PRKDC: variants seen among roughly 807,000 people sequenced by gnomAD.
PRKDC encodes the protein protein kinase, DNA-activated, catalytic subunit.
In PRKDC, 82 loss-of-function variants were observed where a neutral mutation model predicts 486.9. The ratio of observed to expected loss-of-function variants is 0.17; its 90% CI spans 0.14 to 0.20. PRKDC has a LOEUF of 0.20. PRKDC is among the 10% of genes least tolerant of loss of function. PRKDC has a pLI of 1.00. For missense variants in PRKDC, 4,504 were observed against 5,038.2 expected (o/e 0.89, Z 3.21); for synonymous variants, 1,895 against 1,837.0 (o/e 1.03, Z -0.81).
rs1403204827 is a variant in PRKDC at position 47,897,235 on chromosome 8, T to C, written c.3524A>G (p.His1175Arg). ...LLDLVKWLLA[H>R]CGRPQTECRH... ...ACATTCTGTCTGGGGCCTCCCACAA[T>C]GAGCTAAAAGCCACTTGACCAGATC... The change falls in exon 30 of 86, where the codon CAT (histidine) becomes CGT (arginine). Residue 1175 changes from histidine (H) to arginine (R), a missense_variant. His to Arg is a conservative substitution (Grantham distance 29). This residue lies in a region of PRKDC where 1,969 missense variants were observed against 2,068.9 expected (regional missense o/e 0.95). Coordinates refer to ENST00000314191, the MANE Select transcript of PRKDC (RefSeq NM_006904.7). 5 of 1,609,246 alleles carry C rather than the reference T, an allele frequency of 3.1e-6. No homozygotes were observed. Among genetic ancestry groups the C allele is most frequent in the East Asian group, 2.2e-5 (1 of 44,778 alleles).
intron 74 of PRKDC, among the ~76,000 whole-genome samples, chr8:47,793,154 T>C (rs946295468): frequency 1.3e-5 from 2 of 152,234 alleles, no homozygotes; most frequent in Non-Finnish European, 2.9e-5. Flanking sequence ...AAGTAGTTGG[T>C]ATTATAGGCA....
intron 64 of PRKDC, among the ~76,000 whole-genome samples, chr8:47,823,463 C>T (rs1174702939): frequency 2.0e-5 from 3 of 151,878 alleles, no homozygotes; most frequent in Non-Finnish European, 1.5e-5. Flanking sequence ...AAGCAGAAGG[C>T]AGCACCATAC....
At position 47,788,941 on chromosome 8, in the gene PRKDC, G is replaced by A. The variant is rs1384543244; in HGVS notation, c.10867C>T (p.Pro3623Ser). 3.7e-6 allele frequency: 6 copies of A among 1,610,084 alleles called. No homozygotes were observed. The highest frequency in any genetic ancestry group is 1.1e-5 in the South Asian group (1 of 89,946). Residue 3623 changes from proline to serine, a missense_variant, in exon 76 of 86, where the codon CCA becomes TCA. Pro to Ser is a moderately conservative substitution (Grantham distance 74). Coordinates refer to ENST00000314191, the MANE Select transcript of PRKDC (RefSeq NM_006904.7). ...TTCCTTCTAAAGGCCCCCAGGCCTGGAGCCTTTGGGTCACCCAAGGCTGCA... is the reference window on the plus strand; with the variant it reads ...TTCCTTCTAAAGGCCCCCAGGCCTGAAGCCTTTGGGTCACCCAAGGCTGCA... ...MYAALGDPKA[P>S]GLGAFRRKFI...
intron 12 of PRKDC, 35 bp from the exon 13 acceptor site, chr8:47,935,935 G>C (rs370967039): frequency 1.3e-6 from 2 of 1,575,482 alleles, no homozygotes; most frequent in East Asian, 4.5e-5. Context: ...TGAGTTAGAG[G>C]AGGTAATCAA....
chr8:47,885,667 C>A (rs1054144633), intron 36 of PRKDC, among the ~76,000 whole-genome samples: 2 of 151,798 alleles, frequency 1.3e-5, no homozygotes, highest in South Asian at 4.2e-4. Context: ...CCAAACTGGG[C>A]GGATCACGAG....
intron 25 of PRKDC, among the ~76,000 whole-genome samples, chr8:47,910,808 T>C (rs1263974215): frequency 6.6e-6 from 1 of 150,548 alleles, no homozygotes; most frequent in Non-Finnish European, 1.5e-5. Context: ...TATGTTTGCC[T>C]GGCACATTGA....
At chr8:47,825,168 C>A (rs549618530) in intron 63 of PRKDC, among the ~76,000 whole-genome samples, 1 of 152,212 alleles carries the variant, frequency 6.6e-6, no homozygotes, top group Admixed American at 6.5e-5. Context: ...CACCTACATA[C>A]CCCTATACTG....
In PRKDC at chr8:47,777,728, G is replaced by A. The variant is rs774986462; in HGVS notation, c.12000C>T (p.Asn4000=). Residue 4000 remains asparagine (N), a synonymous_variant, in exon 84 of 86, where the codon AAC becomes AAT. Transcript: ENST00000314191. ...AFRSDPGLLT[N]TMDVFVKEPS... is the part of the protein sequence containing the mutation. Reference sequence around the variant, plus strand: ...GCTCCTTGACAAACACATCCATGGTGTTGGTGAGCAGGCCAGGGTCTGAGC... The same window carrying A: ...GCTCCTTGACAAACACATCCATGGTATTGGTGAGCAGGCCAGGGTCTGAGC... The A allele has an allele frequency of 6.2e-6, 10 of 1,611,536 alleles. No homozygotes were observed. The Admixed American group carries it at 1.5e-4, about 24-fold the overall frequency.
intron 30 of PRKDC, 63 bp downstream of exon 30, chr8:47,897,095 CTTT>C (rs1233892270): frequency 1.6e-5 from 23 of 1,452,798 alleles, no homozygotes; most frequent in Non-Finnish European, 2.1e-5. Flanking sequence ...CTCAATTCTT[CTTT>C]ACTTCTTTTA....
At chr8:47,838,440 T>C (rs946748643) in intron 56 of PRKDC, among the ~76,000 whole-genome samples, 7 of 151,972 alleles carry the variant, frequency 4.6e-5, no homozygotes, top group South Asian at 2.1e-4. Flanking sequence ...AGCAAGACCC[T>C]ATCTTTACAA....
chr8:47,932,957 T>C (rs372790563), intron 16 of PRKDC, 63 bp downstream of exon 16: 4 of 1,429,042 alleles, frequency 2.8e-6, no homozygotes, highest in African/African-American at 2.9e-5. Flanking sequence ...CCCCTAAATA[T>C]TTATATGCAA....
intron 64 of PRKDC, among the ~76,000 whole-genome samples, chr8:47,822,289 GAAAA>G (rs76734626): frequency 6.0e-5 from 6 of 99,846 alleles, no homozygotes; most frequent in Admixed American, 2.2e-4. Context: ...TTTTAAGAGA[GAAAA>G]AAAAAAAAAA....
At position 47,869,613 on chromosome 8, in the gene PRKDC, G is replaced by C. The variant is rs1029620709; in HGVS notation, c.5364-4850C>G. Reference sequence around the variant, plus strand: ...CATTCCCAGTTGTGGTGGCCACAGGGAGAAACCATTTCTGCTTGAGAGAAG... The same window carrying C: ...CATTCCCAGTTGTGGTGGCCACAGGCAGAAACCATTTCTGCTTGAGAGAAG... On this transcript the variant is annotated intron_variant, in intron 40 of 85. Coordinates refer to ENST00000314191, the MANE Select transcript of PRKDC (RefSeq NM_006904.7). Among the ~76,000 whole-genome samples the C allele has an allele frequency of 2.6e-5, 4 of 151,856 alleles. 1 individual carries two copies. The South Asian group carries it at 8.3e-4, about 32-fold the overall frequency.
At chr8:47,806,784 A>G (rs1184070180) in intron 69 of PRKDC, among the ~76,000 whole-genome samples, 1 of 152,224 alleles carries the variant, frequency 6.6e-6, no homozygotes, top group Non-Finnish European at 1.5e-5. Context: ...AGTAACAGCT[A>G]ACAATCATTT....
chr8:47,799,993 T>A (rs918397683), intron 71 of PRKDC, among the ~76,000 whole-genome samples: 3 of 152,132 alleles, frequency 2.0e-5, no homozygotes, highest in African/African-American at 7.2e-5. Flanking sequence ...CAAAAAAATT[T>A]AAAATTCATG....
At chr8:47,856,206 C>A (rs929416605) in intron 49 of PRKDC, among the ~76,000 whole-genome samples, 4 of 151,994 alleles carry the variant, frequency 2.6e-5, no homozygotes, top group African/African-American at 9.7e-5. Context: ...GAAAGCTCCA[C>A]GTATTTTTTT....
intron 39 of PRKDC, among the ~76,000 whole-genome samples, chr8:47,879,099 G>A (rs561783631): frequency 1.3e-5 from 2 of 152,070 alleles, no homozygotes; most frequent in East Asian, 3.9e-4. Flanking sequence ...GCTTCTTTTG[G>A]TATTACTCTT....
intron 77 of PRKDC, chr8:47,784,085 C>T (rs1443459011): frequency 2.5e-5 from 8 of 321,530 alleles, no homozygotes; most frequent in Non-Finnish European, 4.7e-5. Context: ...GGTGAAGCCC[C>T]GTCTCTACTA....
In PRKDC at chr8:47,862,143, A is replaced by C. The variant is rs369633323; in HGVS notation, c.5920-16T>G. 5.8e-5 allele frequency: 89 copies of C among 1,537,202 alleles called. No homozygotes were observed. The African/African-American group carries it at 1.0e-3, about 18-fold the overall frequency. ...TAAGCAAGTTCTGTGAATACAAAGA[A>C]TCATATAAAAATAGCTGAATGGTGA... On this transcript the variant is annotated splice_polypyrimidine_tract_variant and intron_variant, in intron 43 of 85. Transcript: ENST00000314191.
Sources: allele counts gnomAD v4.1 joint callset (sites outside exome capture counted in the v4.1 genomes callset), GRCh38; gene constraint gnomAD v4.1.1; regional missense constraint gnomAD v4.1.1; transcripts MANE v1.5; gene names NCBI Gene and HGNC (gene_info 2026-07-23, HGNC 2026-07-21).